The following DLGAP1 variants were observed in gnomAD, a reference collection of about 807,000 sequenced individuals.
DLGAP1 encodes the protein DLG associated protein 1.
DLGAP1 carries 11 observed loss-of-function variants against 90.8 expected under a neutral mutation model. The observed-to-expected ratio is 0.12, with a 90% CI of 0.08 to 0.20. The LOEUF is 0.20. Among genes scored for constraint, DLGAP1 ranks in the 10% least tolerant of loss-of-function variants. The probability of loss-of-function intolerance (pLI) is 1.00; values close to 1 mark genes in which losing one functional copy is unlikely to be tolerated. For missense variants in DLGAP1, 1,050 were observed against 1,333.8 expected (o/e 0.79, Z 3.31); for synonymous variants, 558 against 540.7 (o/e 1.03, Z -0.44).
intron 2 of DLGAP1, among the ~76,000 whole-genome samples, chr18:4,025,123 G>C (rs1434495864): frequency 6.6e-6 from 1 of 152,118 alleles, no homozygotes; most frequent in African/African-American, 2.4e-5. Flanking sequence ...ACAAGTAGAG[G>C]AAATAAAAAA....
chr18:4,043,768 G>A (rs2149153975), intron 2 of DLGAP1, among the ~76,000 whole-genome samples: 1 of 152,160 alleles, frequency 6.6e-6, no homozygotes. Context: ...GGAGCAACGG[G>A]TATCCTTCAA....
At chr18:4,305,534 CAAAA>C (rs562977821) in intron 1 of DLGAP1, among the ~76,000 whole-genome samples, 1 of 73,076 alleles carries the variant, frequency 1.4e-5, no homozygotes, top group Admixed American at 1.5e-4. Flanking sequence ...AACTCCGTCT[CAAAA>C]AAAAAAAAAA....
chr18:4,343,116 T>C (rs532206401), intron 1 of DLGAP1, among the ~76,000 whole-genome samples: 2 of 151,618 alleles, frequency 1.3e-5, no homozygotes, highest in African/African-American at 4.8e-5. Flanking sequence ...GACCATCCTG[T>C]CTAACATGGT....
At chr18:4,361,339 T>C (rs1284938505) in intron 1 of DLGAP1, among the ~76,000 whole-genome samples, 1 of 152,116 alleles carries the variant, frequency 6.6e-6, no homozygotes, top group Non-Finnish European at 1.5e-5. Flanking sequence ...GGAGAACTCA[T>C]ATTTCCTGAT....
intron 1 of DLGAP1, among the ~76,000 whole-genome samples, chr18:4,225,742 T>C (rs2078172632): frequency 6.6e-6 from 1 of 151,902 alleles, no homozygotes; most frequent in African/African-American, 2.4e-5. Flanking sequence ...AGTATTTGTA[T>C]ATACACAGAG....
intron 3 of DLGAP1, chr18:3,896,626 C>G (rs2071631708): frequency 6.6e-6 from 1 of 152,188 alleles, no homozygotes; most frequent in Non-Finnish European, 1.5e-5. Context: ...AACATGGTAC[C>G]CCAAAGTATG....
At position 4,010,894 on chromosome 18, in the gene DLGAP1, G is replaced by A. The variant is rs8089607; in HGVS notation, c.-158-5693C>T. Among the ~76,000 whole-genome samples the A allele has an allele frequency of 4.5e-3, 686 of 151,530 alleles. 5 individuals carry two copies. The highest frequency in any genetic ancestry group is 0.015 in the African/African-American group (632 of 41,282). On this transcript the variant is annotated intron_variant, in intron 2 of 12. Coordinates refer to ENST00000315677, the MANE Select transcript of DLGAP1 (RefSeq NM_004746.4). ...AGGATGAAAAAAAAAAAATCCCTCC[G>A]GCCAGGCACAGTGGCTCACACCTGT...
At chr18:3,942,035 A>T (rs73940350) in intron 3 of DLGAP1, among the ~76,000 whole-genome samples, 4,201 of 152,298 alleles carry the variant, frequency 0.028, 200 homozygotes, top group African/African-American at 0.095. Flanking sequence ...AAAATTAGAC[A>T]AAGACAATCA....
intron 1 of DLGAP1, among the ~76,000 whole-genome samples, chr18:4,227,197 T>C (rs192151541): frequency 1.3e-5 from 2 of 151,964 alleles, no homozygotes; most frequent in African/African-American, 4.8e-5. Flanking sequence ...TAGAACACCC[T>C]GATATTTAAA....
rs113585667 is a variant in DLGAP1, at chr18:3,879,237, C to A, written c.832G>T (p.Ala278Ser). Residue 278 changes from alanine (A) to serine (S), a missense_variant, in exon 4 of 13, where the codon GCC (alanine) becomes TCC (serine). Physicochemically the swap from Ala to Ser is moderately conservative, Grantham distance 99. This residue lies in a region of DLGAP1 where 485 missense variants were observed against 454.1 expected (regional missense o/e 1.07). Coordinates refer to ENST00000315677, the MANE Select transcript of DLGAP1 (RefSeq NM_004746.4). The surrounding 1 kb of genome is among the most constrained non-coding windows in gnomAD (Gnocchi z 6.6). ...SLDTPLLKKS[A>S]WSSTLTVSRA... Reference sequence around the variant, plus strand: ...CTCACGGTGAGCGTGGAGGACCAGGCGCTCTTCTTCAGCAGCGGGGTGTCC... The same window carrying A: ...CTCACGGTGAGCGTGGAGGACCAGGAGCTCTTCTTCAGCAGCGGGGTGTCC... 5 of 1,594,768 alleles carry A rather than the reference C, an allele frequency of 3.1e-6. No individual in the cohort carries two copies. Among genetic ancestry groups the A allele is most frequent in the East Asian group, 2.2e-5 (1 of 44,676 alleles).
chr18:4,307,507 G>A (rs1443194392), intron 1 of DLGAP1, among the ~76,000 whole-genome samples: 1 of 152,050 alleles, frequency 6.6e-6, no homozygotes, highest in African/African-American at 2.4e-5. Flanking sequence ...TATTCTAGGT[G>A]CTTTACATAA....
intron 7 of DLGAP1, among the ~76,000 whole-genome samples, chr18:3,685,456 T>C (rs2060663908): frequency 1.3e-5 from 2 of 149,178 alleles, no homozygotes; most frequent in South Asian, 2.1e-4. Flanking sequence ...CCCAGCTACT[T>C]GGGAGGCTGA....
At chr18:4,142,378 A>C (rs1331562997) in intron 2 of DLGAP1, among the ~76,000 whole-genome samples, 1 of 152,196 alleles carries the variant, frequency 6.6e-6, no homozygotes, top group African/African-American at 2.4e-5. Flanking sequence ...AGTCCAATTA[A>C]CAACATTACC....
intron 1 of DLGAP1, among the ~76,000 whole-genome samples, chr18:4,192,380 T>C (rs1216761404): frequency 1.3e-5 from 2 of 152,294 alleles, no homozygotes; most frequent in Middle Eastern, 3.4e-3. Flanking sequence ...GCATGTCATT[T>C]GATAACGACT....
In DLGAP1 at chr18:4,060,396, C is replaced by T. The variant is rs1434157235; in HGVS notation, c.-158-55195G>A. ...ATATACTTCCCAAGATGGGTACCTG[C>T]TTAATATTTACCAACCTCTGAATTC... is the stretch of plus-strand genomic sequence containing the variant. On this transcript the variant is annotated intron_variant, in intron 2 of 12. Coordinates refer to ENST00000315677, the MANE Select transcript of DLGAP1 (RefSeq NM_004746.4). Among the ~76,000 whole-genome samples the T allele has an allele frequency of 2.0e-5, 3 of 152,150 alleles. No individual in the cohort carries two copies. The East Asian group carries it at 5.8e-4, about 29-fold the overall frequency.
chr18:3,931,294 C>A (rs1487638212), intron 3 of DLGAP1, among the ~76,000 whole-genome samples: 1 of 152,154 alleles, frequency 6.6e-6, no homozygotes, highest in Non-Finnish European at 1.5e-5. Flanking sequence ...TCTGCTTTGG[C>A]TCTGGCCCAT....
chr18:4,326,412 T>G (rs1297515231), intron 1 of DLGAP1, among the ~76,000 whole-genome samples: 1 of 152,004 alleles, frequency 6.6e-6, no homozygotes, highest in Non-Finnish European at 1.5e-5. Context: ...ATTAGTTCAG[T>G]CATTGTGGAA....
chr18:3,919,089 T>C, intron 3 of DLGAP1, among the ~76,000 whole-genome samples: 1 of 139,988 alleles, frequency 7.1e-6, no homozygotes, highest in African/African-American at 3.0e-5. Context: ...CGCCTGGATA[T>C]AGGTAAGTTG....
intron 2 of DLGAP1, among the ~76,000 whole-genome samples, chr18:4,092,686 G>A (rs1435314018): frequency 6.6e-6 from 1 of 152,096 alleles, no homozygotes; most frequent in Non-Finnish European, 1.5e-5. Flanking sequence ...ACAGGGGCAG[G>A]CCAGATGGTG....
Sources: gnomAD v4.1 joint callset for allele counts (sites outside exome capture counted in the v4.1 genomes callset) on GRCh38, gnomAD v4.1.1 for gene constraint, gnomAD v4.1.1 regional missense constraint, Gnocchi (gnomAD v3.1) non-coding constraint, MANE v1.5 for transcripts, NCBI Gene and HGNC (gene_info 2026-07-23, HGNC 2026-07-21) for gene names.